KLHL20: variants seen among roughly 807,000 people sequenced by gnomAD.
The protein encoded by KLHL20 is kelch-like protein 20.
Under a neutral mutation model 69.5 loss-of-function variants are expected in KLHL20, and 29 were observed. That is an observed-to-expected ratio of 0.42 (90% CI 0.31 to 0.57). KLHL20 has a LOEUF of 0.57. Among genes scored for constraint, KLHL20 ranks in the 20% least tolerant of loss-of-function variants. The probability of loss-of-function intolerance (pLI) is 0.18; values close to 1 mark genes in which losing one functional copy is unlikely to be tolerated. For synonymous variants in KLHL20, 253 were observed against 265.2 expected (o/e 0.95, Z 0.45); for missense variants, 419 against 776.0 (o/e 0.54, Z 5.47).
rs190066470 is a variant in KLHL20, at chr1:173,743,678, T to C, written c.598-8086T>C. ...GTGTCCTTTGTTGCTATTTATTATTTTGATGCATGGTAGGTTCTGGTTTAT... is the reference window on the plus strand; with the variant it reads ...GTGTCCTTTGTTGCTATTTATTATTCTGATGCATGGTAGGTTCTGGTTTAT... On this transcript the variant is annotated intron_variant, in intron 3 of 11. Coordinates refer to ENST00000209884, the MANE Select transcript of KLHL20 (RefSeq NM_014458.4). 3.3e-5 allele frequency among the ~76,000 whole-genome samples: 5 copies of C among 152,238 alleles called. 1 individual carries two copies. Among genetic ancestry groups the C allele is most frequent in the Admixed American group, 2.6e-4 (4 of 15,294 alleles).
At chr1:173,726,116 G>C (rs1173978514) in intron 2 of KLHL20, among the ~76,000 whole-genome samples, 2 of 152,154 alleles carry the variant, frequency 1.3e-5, no homozygotes, top group African/African-American at 4.8e-5. Context: ...GCCTGGCTCA[G>C]AGGGTCCTAC....
chr1:173,739,746 G>A (rs578148648), intron 3 of KLHL20, among the ~76,000 whole-genome samples: 4 of 149,544 alleles, frequency 2.7e-5, no homozygotes, highest in African/African-American at 9.9e-5. Flanking sequence ...CTGCCTCCCG[G>A]GTTCAAGCAA....
At chr1:173,778,169 C>G (rs887619829) in intron 10 of KLHL20, among the ~76,000 whole-genome samples, 3 of 151,800 alleles carry the variant, frequency 2.0e-5, no homozygotes, top group African/African-American at 7.3e-5. Flanking sequence ...TTTGCTGCAC[C>G]CATCAACTCG....
At chr1:173,760,363 C>CA (rs879805246) in intron 7 of KLHL20, among the ~76,000 whole-genome samples, 11 of 152,100 alleles carry the variant, frequency 7.2e-5, no homozygotes, top group Admixed American at 3.3e-4. Flanking sequence ...ACAGGAAGCA[C>CA]AAAGAACACC....
chr1:173,715,820 A>G (rs1253563989), intron 1 of KLHL20, among the ~76,000 whole-genome samples, 183 bp from the exon 2 acceptor site: 1 of 152,240 alleles, frequency 6.6e-6, no homozygotes, highest in African/African-American at 2.4e-5. Flanking sequence ...TTTAGCATGC[A>G]GAGTAAGGAT....
chr1:173,782,285 C>G, intron 11 of KLHL20, 55 bp downstream of exon 11: 1 of 1,292,696 alleles, frequency 7.7e-7, no homozygotes, highest in East Asian at 2.3e-5. Context: ...AAATCATGGG[C>G]TTGAAATAGC....
At chr1:173,771,265 C>CATGTG (rs1385389228) in intron 8 of KLHL20, among the ~76,000 whole-genome samples, 1 of 152,102 alleles carries the variant, frequency 6.6e-6, no homozygotes, top group Non-Finnish European at 1.5e-5. Flanking sequence ...AGGGCTAGAC[C>CATGTG]ATGTGGTTCA....
At chr1:173,770,671 ACT>A (rs1648029456) in intron 8 of KLHL20, among the ~76,000 whole-genome samples, 1 of 146,394 alleles carries the variant, frequency 6.8e-6, no homozygotes, top group African/African-American at 2.7e-5. Context: ...CAAGAGCAAA[ACT>A]CTCTCTCAAA....
rs7522788 is a variant in KLHL20, at chr1:173,766,295, C to T, written c.1295+6C>T. The T allele has an allele frequency of 0.018, 27,842 of 1,568,104 alleles. 3,622 individuals are homozygous for T. The African/African-American group carries it at 0.31, about 17-fold the overall frequency. On this transcript the variant is annotated splice_donor_region_variant and intron_variant, in intron 8 of 11. Transcript: ENST00000209884. ...TGCCTCAACATTGTTGAGAGGTGATCTTTTTTTTAAGTCATTTTCCGTATT... is the reference window on the plus strand; with the variant it reads ...TGCCTCAACATTGTTGAGAGGTGATTTTTTTTTTAAGTCATTTTCCGTATT...
At chr1:173,774,106 G>A (rs1328413318) in intron 8 of KLHL20, among the ~76,000 whole-genome samples, 199 bp from the exon 9 acceptor site, 1 of 152,014 alleles carries the variant, frequency 6.6e-6, no homozygotes, top group Non-Finnish European at 1.5e-5. Flanking sequence ...AAGTATGAGT[G>A]TAGAAAATAG....
chr1:173,749,926 G>A (rs1320153545), intron 3 of KLHL20, among the ~76,000 whole-genome samples: 5 of 152,030 alleles, frequency 3.3e-5, no homozygotes, highest in East Asian at 1.9e-4. Context: ...CAAATTTAGC[G>A]CTGGACTTTA....
At chr1:173,736,807 G>A (rs1672559473) in intron 3 of KLHL20, among the ~76,000 whole-genome samples, 1 of 152,138 alleles carries the variant, frequency 6.6e-6, no homozygotes, top group African/African-American at 2.4e-5. Context: ...TGTTGGCCAG[G>A]CTGGTCTCAA....
intron 8 of KLHL20, among the ~76,000 whole-genome samples, chr1:173,768,873 C>A (rs953533839): frequency 2.0e-5 from 3 of 152,118 alleles, no homozygotes; most frequent in Admixed American, 2.0e-4. Context: ...AGCCACAAGA[C>A]CTGCATGATA....
intron 3 of KLHL20, among the ~76,000 whole-genome samples, chr1:173,743,581 G>A (rs1402430044): frequency 6.6e-6 from 1 of 151,182 alleles, no homozygotes; most frequent in Admixed American, 6.6e-5. Flanking sequence ...TCTGCTATAA[G>A]AAAGAATTTT....
At chr1:173,777,551 CA>C (rs1648551514) in intron 10 of KLHL20, among the ~76,000 whole-genome samples, 2 of 152,120 alleles carry the variant, frequency 1.3e-5, no homozygotes, top group Non-Finnish European at 2.9e-5. Flanking sequence ...GTGGGTCTGT[CA>C]TATATGGCTT....
At chr1:173,747,769 T>C (rs369382818) in intron 3 of KLHL20, among the ~76,000 whole-genome samples, 51 of 152,062 alleles carry the variant, frequency 3.4e-4, no homozygotes, top group African/African-American at 1.1e-3. Flanking sequence ...TAATTTCTTT[T>C]GGTATATAGG....
chr1:173,741,789 G>A (rs758619120), intron 3 of KLHL20: 17 of 1,529,310 alleles, frequency 1.1e-5, no homozygotes, highest in Non-Finnish European at 1.3e-5. Flanking sequence ...GGAATGCCCA[G>A]GATGCTATAA....
chr1:173,748,174 A>G (rs1338861613), intron 3 of KLHL20, among the ~76,000 whole-genome samples: 1 of 152,092 alleles, frequency 6.6e-6, no homozygotes, highest in Non-Finnish European at 1.5e-5. Context: ...TAATTTAAAA[A>G]CCTTCTCACA....
At chr1:173,730,657 GGC>G (rs1672225257) in intron 2 of KLHL20, among the ~76,000 whole-genome samples, 1 of 152,168 alleles carries the variant, frequency 6.6e-6, no homozygotes, top group African/African-American at 2.4e-5. Context: ...TGGGAAAACT[GGC>G]TAGCTGTATG....
Sources: gnomAD v4.1 joint callset for allele counts (sites outside exome capture counted in the v4.1 genomes callset) on GRCh38, gnomAD v4.1.1 for gene constraint, MANE v1.5 for transcripts, NCBI Gene and HGNC (gene_info 2026-07-23, HGNC 2026-07-21) for gene names.